The following LRIT3 variants were observed in gnomAD, a reference collection of about 807,000 sequenced individuals.
LRIT3 encodes the protein leucine rich repeat, Ig-like and transmembrane domains 3, also known as leucine-rich repeat, immunoglobulin-like domain and transmembrane domain-containing protein 3.
Under a neutral mutation model 22.6 loss-of-function variants are expected in LRIT3, and 14 were observed. The observed-to-expected ratio is 0.62, with a 90% CI of 0.41 to 0.97. LRIT3 has a LOEUF of 0.97. LRIT3 is among the 50% of genes least tolerant of loss of function. The probability of loss-of-function intolerance (pLI) is 0.00; values close to 1 mark genes in which losing one functional copy is unlikely to be tolerated. For missense variants in LRIT3, 783 were observed against 803.0 expected (o/e 0.98, Z 0.30); for synonymous variants, 306 against 304.5 (o/e 1.01, Z -0.05).
At chr4:109,860,478 G>C (rs568337948) in intron 2 of LRIT3, among the ~76,000 whole-genome samples, 2 of 152,206 alleles carry the variant, frequency 1.3e-5, no homozygotes, top group African/African-American at 4.8e-5. Flanking sequence ...TCTTTCTATA[G>C]CTGGCAGAGT....
Position 109,851,840 on chromosome 4 carries a change from T to C in LRIT3, c.453T>C (p.Tyr151=). 1.3e-6 allele frequency: 2 copies of C among 1,551,708 alleles called. No homozygotes were observed. The highest frequency in any genetic ancestry group is 1.7e-6 in the Non-Finnish European group (2 of 1,146,996). The change falls in exon 2 of 4, where the codon TAT becomes TAC. Residue 151 remains tyrosine, a synonymous_variant. Transcript: ENST00000594814. The stretch of plus-strand genomic sequence containing the variant: ...GTGTGCCAAATGAGGCGCTCAGGTA[T>C]CTGAAGAACCTTGCCTACTTGGATT... ...ITSVPNEALR[Y]LKNLAYLDLS...
intron 2 of LRIT3, among the ~76,000 whole-genome samples, chr4:109,857,098 C>A (rs182690057): frequency 5.7e-4 from 86 of 152,160 alleles, no homozygotes; most frequent in Admixed American, 8.5e-4. Flanking sequence ...TGAGTCAATA[C>A]AAGTATACAA....
intron 2 of LRIT3, among the ~76,000 whole-genome samples, chr4:109,860,698 G>A (rs1458371082): frequency 2.6e-5 from 4 of 152,144 alleles, no homozygotes; most frequent in Non-Finnish European, 5.9e-5. Context: ...AAAGTTCTGT[G>A]TTTCTTTCCA....
At chr4:109,851,426 T>C in intron 1 of LRIT3, 78 bp from the exon 2 acceptor site, 1 of 1,458,242 alleles carries the variant, frequency 6.9e-7, no homozygotes, top group Admixed American at 2.7e-5. Context: ...AATTGATACA[T>C]TTTTCAAATG....
At chr4:109,863,068 A>T (rs1355875936) in intron 2 of LRIT3, among the ~76,000 whole-genome samples, 1 of 152,156 alleles carries the variant, frequency 6.6e-6, no homozygotes, top group African/African-American at 2.4e-5. Flanking sequence ...CAAAGAGATG[A>T]GTTATGATAG....
At chr4:109,865,261 G>T in intron 2 of LRIT3, 1 of 1,582,126 alleles carries the variant, frequency 6.3e-7, no homozygotes, top group Non-Finnish European at 8.6e-7. Context: ...CAGGAACCCA[G>T]GCACAGTAAA....
At chr4:109,864,450 C>T (rs957524603) in intron 2 of LRIT3, among the ~76,000 whole-genome samples, 2 of 152,100 alleles carry the variant, frequency 1.3e-5, no homozygotes, top group Non-Finnish European at 2.9e-5. Flanking sequence ...GAGAGGCAAG[C>T]CATATATTTA....
rs1442782482 is a variant in LRIT3 at position 109,870,136 on chromosome 4, C to T, written c.1387C>T (p.Pro463Ser). Reference protein sequence around the residue: ...KVAKNGSKLPPASTSKKEELA... With the variant: ...KVAKNGSKLPSASTSKKEELA... ...GGCAAAGAATGGAAGTAAGCTTCCT[C>T]CAGCCAGCACAAGTAAGAAAGAAGA... Residue 463 changes from proline (P) to serine (S), a missense_variant, in exon 4 of 4, where the codon CCA becomes TCA. This residue lies in a region of LRIT3 where 756 missense variants were observed against 753.8 expected (regional missense o/e 1.00). Transcript: ENST00000594814. 3.7e-6 allele frequency: 6 copies of T among 1,614,188 alleles called. No homozygotes were observed.
Position 109,870,847 on chromosome 4 carries a change from C to T in LRIT3, c.*58C>T, listed in dbSNP as rs1243683956. On this transcript the variant is annotated 3_prime_UTR_variant, in exon 4 of 4. Transcript: ENST00000594814. ...AACTAGCATCTAAGGGTATAATTGA[C>T]CCTAGGTTTGGATGACTTTTGGACA... is the stretch of plus-strand genomic sequence containing the variant. 5.4e-6 allele frequency: 8 copies of T among 1,494,648 alleles called. No individual in the cohort carries two copies. Among genetic ancestry groups the T allele is most frequent in the African/African-American group, 1.4e-5 (1 of 71,376 alleles). 92.6% of individuals were successfully genotyped at this position (1,494,648 alleles called of 1,614,324 possible).
Position 109,851,975 on chromosome 4 carries a change from T to C in LRIT3, c.588T>C (p.Leu196=). The change falls in exon 2 of 4, where the codon CTT becomes CTC. Residue 196 remains leucine, a splice_region_variant and synonymous_variant. Transcript: ENST00000594814. The stretch of plus-strand genomic sequence containing the variant: ...ACCTTTCCCCAAGCAGGATTATTCT[T>C]GGTAAGCTCGCAAGCCTCTGGGCTT... ...VLDLSPSRII[L]GLQDNPWFCD... 6.5e-7 allele frequency: 1 copy of C among 1,537,382 alleles called. No homozygotes were observed. Among genetic ancestry groups the C allele is most frequent in the Non-Finnish European group, 8.8e-7 (1 of 1,140,906 alleles).
intron 2 of LRIT3, among the ~76,000 whole-genome samples, chr4:109,866,413 T>C (rs866787613): frequency 1.1e-4 from 17 of 152,176 alleles, no homozygotes; most frequent in African/African-American, 4.1e-4. Flanking sequence ...TAGCACAAAA[T>C]TTTACAGTCA....
At chr4:109,852,580 A>G (rs1734299788) in intron 2 of LRIT3, among the ~76,000 whole-genome samples, 2 of 152,154 alleles carry the variant, frequency 1.3e-5, no homozygotes, top group South Asian at 4.2e-4. Flanking sequence ...TTTAGGTTCT[A>G]TGTGTATTTC....
At chr4:109,862,472 A>G (rs1156641413) in intron 2 of LRIT3, among the ~76,000 whole-genome samples, 1 of 152,236 alleles carries the variant, frequency 6.6e-6, no homozygotes, top group Non-Finnish European at 1.5e-5. Flanking sequence ...CTTTGACCTT[A>G]GAAGTTTCAA....
intron 2 of LRIT3, among the ~76,000 whole-genome samples, chr4:109,863,944 A>T (rs1734611509): frequency 6.6e-6 from 1 of 152,154 alleles, no homozygotes; most frequent in South Asian, 2.1e-4. Context: ...AGCAATCAAA[A>T]CTTGTAACTT....
At chr4:109,864,990 A>G in intron 2 of LRIT3, 1 of 1,107,820 alleles carries the variant, frequency 9.0e-7, no homozygotes, top group Non-Finnish European at 1.2e-6. Context: ...CAATAGAGAT[A>G]AAAATGTTAC....
Position 109,870,535 on chromosome 4 carries a change from T to C in LRIT3, c.1786T>C (p.Leu596=), listed in dbSNP as rs1461352642. The C allele has an allele frequency of 2.5e-6, 4 of 1,614,220 alleles. No homozygotes were observed. The highest frequency in any genetic ancestry group is 3.4e-6 in the Non-Finnish European group (4 of 1,180,018). Residue 596 remains leucine, a synonymous_variant, in exon 4 of 4, where the codon TTA becomes CTA. Transcript: ENST00000594814. ...GACCAGTACTGCCTGTGTTGTTATCTTACCATTGATTTGTTTCTTGTTGTA... is the reference window on the plus strand; with the variant it reads ...GACCAGTACTGCCTGTGTTGTTATCCTACCATTGATTTGTTTCTTGTTGTA... ...VVTSTACVVI[L]PLICFLLYKV... is the part of the protein sequence containing the mutation.
rs1734811900 is a variant in LRIT3, at chr4:109,870,635, T to C, written c.1886T>C (p.Phe629Ser). The change falls in exon 4 of 4, where the codon TTT becomes TCT. Residue 629 changes from phenylalanine (F) to serine (S), a missense_variant. Physicochemically the swap from Phe to Ser is radical, Grantham distance 155. Around this residue, in one of 2 missense-constraint regions of LRIT3, gnomAD observed 756 missense variants for 753.8 expected, o/e 1.00. Transcript: ENST00000594814. The stretch of plus-strand genomic sequence containing the variant: ...TTGGCAAAGGAGACTTATATCCAAT[T>C]TGAGACCCTGTTTCCCAGGTCTCAA... Reference protein sequence around the residue: ...DDLAKETYIQFETLFPRSQSV... With the variant: ...DDLAKETYIQSETLFPRSQSV... 1 of 1,614,100 alleles carries C rather than the reference T, an allele frequency of 6.2e-7. No homozygotes were observed. The highest frequency in any genetic ancestry group is 1.3e-5 in the African/African-American group (1 of 75,048).
rs756616756 is a variant in LRIT3, at chr4:109,852,509, C to T, written c.589+533C>T. Among the ~76,000 whole-genome samples, 9 of 152,308 alleles carry T rather than the reference C, an allele frequency of 5.9e-5. No homozygotes were observed. In the South Asian group the frequency reaches 1.9e-3, roughly 32 times the overall value. ...ATTTTACTGGCCCCAAATGGTTCTC[C>T]TAACTGATTTGGTCTCTTAGTTTAG... On this transcript the variant is annotated intron_variant, in intron 2 of 3. Transcript: ENST00000594814.
chr4:109,859,046 T>C (rs1734472966), intron 2 of LRIT3, among the ~76,000 whole-genome samples: 1 of 152,152 alleles, frequency 6.6e-6, no homozygotes, highest in Non-Finnish European at 1.5e-5. Flanking sequence ...CATAAGCTAA[T>C]TTTCCAAAAG....
Sources: gnomAD v4.1 joint callset for allele counts (sites outside exome capture counted in the v4.1 genomes callset) on GRCh38, gnomAD v4.1.1 for gene constraint, gnomAD v4.1.1 regional missense constraint, MANE v1.5 for transcripts, NCBI Gene and HGNC (gene_info 2026-07-23, HGNC 2026-07-21) for gene names.